The following MDGA2 variants were observed in gnomAD, a reference collection of about 807,000 sequenced individuals.
MDGA2 encodes MAM domain-containing glycosylphosphatidylinositol anchor protein 2.
In MDGA2, 40 loss-of-function variants were observed where a neutral mutation model predicts 117.8. The observed-to-expected ratio is 0.34, with a 90% confidence interval of 0.26 to 0.44. The LOEUF (loss-of-function observed/expected upper bound fraction) is 0.44, where lower values mean the gene tolerates loss of function less well. MDGA2 is among the 20% of genes least tolerant of loss of function. The pLI is 1.00. For missense variants in MDGA2, 1,123 were observed against 1,250.6 expected (o/e 0.90, Z 1.54); for synonymous variants, 452 against 439.0 (o/e 1.03, Z -0.37).
rs564015225 is a variant in MDGA2, at chr14:47,154,360, T to C, written c.596-10086A>G. Reference sequence around the variant, plus strand: ...AGTGGGGGAGATGCAGCTAAGGCTGTGCACTCCATGGAAACTGCGGGAGCC... The same window carrying C: ...AGTGGGGGAGATGCAGCTAAGGCTGCGCACTCCATGGAAACTGCGGGAGCC... On this transcript the variant is annotated intron_variant, in intron 3 of 16. Coordinates refer to ENST00000399232, the MANE Select transcript of MDGA2 (RefSeq NM_001113498.3). 1.1e-4 allele frequency among the ~76,000 whole-genome samples: 16 copies of C among 152,322 alleles called. No individual in the cohort carries two copies. The South Asian group carries it at 2.9e-3, about 28-fold the overall frequency.
At chr14:47,125,269 T>G (rs951169495) in intron 5 of MDGA2, among the ~76,000 whole-genome samples, 3 of 152,094 alleles carry the variant, frequency 2.0e-5, no homozygotes, top group Non-Finnish European at 4.4e-5. Flanking sequence ...GCAAGAGAAA[T>G]TGTTTTTGTA....
At chr14:47,618,555 T>C (rs1243819310) in intron 1 of MDGA2, among the ~76,000 whole-genome samples, 1 of 152,222 alleles carries the variant, frequency 6.6e-6, no homozygotes, top group East Asian at 1.9e-4. Flanking sequence ...GTTCTCTAAA[T>C]GTGTTACAAG....
chr14:47,278,141 A>G (rs1462102668), intron 2 of MDGA2, among the ~76,000 whole-genome samples: 1 of 152,164 alleles, frequency 6.6e-6, no homozygotes, highest in Non-Finnish European at 1.5e-5. Context: ...GTCAAGATAA[A>G]TAAATAAATT....
chr14:47,258,775 G>C (rs1220556949), intron 2 of MDGA2, among the ~76,000 whole-genome samples: 1 of 151,546 alleles, frequency 6.6e-6, no homozygotes, highest in Non-Finnish European at 1.5e-5. Flanking sequence ...ATCATCACTT[G>C]TTGCTGGAAT....
At chr14:47,315,865 T>C (rs1889792758) in intron 1 of MDGA2, among the ~76,000 whole-genome samples, 1 of 151,158 alleles carries the variant, frequency 6.6e-6, no homozygotes, top group Admixed American at 6.6e-5. Context: ...ATTCTTTCAA[T>C]AATAATTTTC....
intron 8 of MDGA2, among the ~76,000 whole-genome samples, chr14:46,964,169 A>G (rs1485095363): frequency 6.6e-6 from 1 of 152,172 alleles, no homozygotes; most frequent in Non-Finnish European, 1.5e-5. Context: ...CCCAGAGACA[A>G]TATGGAGAAG....
At chr14:47,433,636 T>C (rs1293102570) in intron 1 of MDGA2, among the ~76,000 whole-genome samples, 1 of 151,996 alleles carries the variant, frequency 6.6e-6, no homozygotes, top group Non-Finnish European at 1.5e-5. Context: ...ATTCACGACA[T>C]CAGGGAAATG....
chr14:47,603,819 C>T (rs183657941), intron 1 of MDGA2, among the ~76,000 whole-genome samples: 1 of 152,268 alleles, frequency 6.6e-6, no homozygotes, highest in East Asian at 1.9e-4. Context: ...CAGTGGATGG[C>T]TTAGCACCAT....
intron 2 of MDGA2, among the ~76,000 whole-genome samples, chr14:47,267,728 T>C (rs1391322674): frequency 1.3e-5 from 2 of 152,192 alleles, no homozygotes; most frequent in Non-Finnish European, 2.9e-5. Context: ...AATTTTAAAC[T>C]TAAATTTTGT....
Position 47,145,782 on chromosome 14 carries a change from C to T in MDGA2, c.596-1508G>A, listed in dbSNP as rs986503031. Among the ~76,000 whole-genome samples the T allele has an allele frequency of 7.9e-5, 12 of 152,188 alleles. No individual in the cohort carries two copies. The South Asian group carries it at 1.5e-3, about 18-fold the overall frequency. On this transcript the variant is annotated intron_variant, in intron 3 of 16. Coordinates refer to ENST00000399232, the MANE Select transcript of MDGA2 (RefSeq NM_001113498.3). ...GTGCAAAAGTAATTTCAGTTTTTGA[C>T]ATTACTTTTAATGAATGCTTAATAA...
intron 3 of MDGA2, among the ~76,000 whole-genome samples, chr14:47,150,445 A>T (rs1167761567): frequency 6.6e-6 from 1 of 151,964 alleles, no homozygotes; most frequent in South Asian, 2.1e-4. Flanking sequence ...TCAGCCTTTC[A>T]TTTTTTTTCT....
intron 10 of MDGA2, among the ~76,000 whole-genome samples, chr14:46,896,924 C>T (rs1409651675): frequency 6.6e-6 from 1 of 152,134 alleles, no homozygotes; most frequent in Non-Finnish European, 1.5e-5. Flanking sequence ...TGGCCAATGA[C>T]ATGTAAGTGT....
At chr14:46,930,766 A>G (rs1884538431) in intron 9 of MDGA2, among the ~76,000 whole-genome samples, 1 of 152,138 alleles carries the variant, frequency 6.6e-6, no homozygotes, top group African/African-American at 2.4e-5. Context: ...ATTATATTTT[A>G]TCACCCTTTC....
intron 6 of MDGA2, among the ~76,000 whole-genome samples, chr14:47,066,928 A>ACC (rs1446414749): frequency 1.4e-4 from 21 of 152,146 alleles, no homozygotes; most frequent in African/African-American, 2.4e-4. Context: ...AGTCTGTCCA[A>ACC]CACAGTGAAA....
At chr14:47,288,500 T>C (rs542421403) in intron 2 of MDGA2, among the ~76,000 whole-genome samples, 1 of 152,288 alleles carries the variant, frequency 6.6e-6, no homozygotes, top group Admixed American at 6.5e-5. Context: ...GTGAAGGCAC[T>C]AATTAACCAA....
chr14:47,114,703 G>C (rs965296935), intron 5 of MDGA2, among the ~76,000 whole-genome samples: 3 of 152,104 alleles, frequency 2.0e-5, no homozygotes, highest in African/African-American at 7.2e-5. Context: ...AGTGCTAGGA[G>C]AATGGGCTAG....
chr14:47,065,740 A>G (rs1890056867), intron 6 of MDGA2, among the ~76,000 whole-genome samples: 1 of 152,208 alleles, frequency 6.6e-6, no homozygotes, highest in South Asian at 2.1e-4. Context: ...CTCTTTGGAG[A>G]TAATAAATAT....
intron 8 of MDGA2, among the ~76,000 whole-genome samples, chr14:46,959,251 ATGTGTGTGTG>A (rs3985119): frequency 0.24 from 33,149 of 140,186 alleles, 4,122 homozygotes; most frequent in African/African-American, 0.33. Context: ...AATGCTATAT[ATGTGTGTGTG>A]TGTGTGTGTG....
At chr14:47,670,260 C>G (rs538866217) in intron 1 of MDGA2, among the ~76,000 whole-genome samples, 3 of 152,212 alleles carry the variant, frequency 2.0e-5, no homozygotes, top group East Asian at 1.9e-4. Flanking sequence ...ACCAAATCAC[C>G]GTTTGATTTG....
Sources: gnomAD v4.1 joint callset for allele counts (sites outside exome capture counted in the v4.1 genomes callset) on GRCh38, gnomAD v4.1.1 for gene constraint, MANE v1.5 for transcripts, NCBI Gene and HGNC (gene_info 2026-07-23, HGNC 2026-07-21) for gene names.